Variants in KTN1 observed in about 807,000 individuals in gnomAD.
KTN1 encodes kinectin.
Under a neutral mutation model 222.5 loss-of-function variants are expected in KTN1, and 130 were observed. That is an observed-to-expected ratio of 0.58 (90% CI 0.51 to 0.68). KTN1 has a LOEUF of 0.68. KTN1 is among the 30% of genes least tolerant of loss of function. KTN1 has a pLI of 0.00. For missense variants in KTN1, 1,508 were observed against 1,500.4 expected (o/e 1.01, Z -0.08); for synonymous variants, 512 against 496.3 (o/e 1.03, Z -0.42).
chr14:55,612,288 A>G lies in KTN1; in HGVS notation c.240A>G (p.Val80=). ...TCCATGAATCCGACTCTGAGAGTGT[A>G]CCTCGAGACTTTAAATTATCAGATG... ...GNLHESDSES[V]PRDFKLSDAL... The change falls in exon 2 of 44, where the codon GTA becomes GTG. Residue 80 remains valine (V), a synonymous_variant. Coordinates refer to ENST00000395314, the MANE Select transcript of KTN1 (RefSeq NM_001079521.2). The G allele has an allele frequency of 6.2e-7, 1 of 1,612,232 alleles. No individual in the cohort carries two copies. Among genetic ancestry groups the G allele is most frequent in the Non-Finnish European group, 8.5e-7 (1 of 1,179,636 alleles).
chr14:55,587,583 C>T (rs13379151), intron 1 of KTN1, among the ~76,000 whole-genome samples: 12,839 of 152,230 alleles, frequency 0.084, 589 homozygotes, highest in South Asian at 0.12. Flanking sequence ...AGGTTGAATT[C>T]ACTTACGTGC....
chr14:55,651,522 C>A (rs2042932328), intron 24 of KTN1: 1 of 375,534 alleles, frequency 2.7e-6, no homozygotes, highest in Non-Finnish European at 5.1e-6. Flanking sequence ...ATTTTCAGTA[C>A]TGTAGAAGTA....
At chr14:55,669,596 A>G (rs140117885) in intron 34 of KTN1, among the ~76,000 whole-genome samples, 95 of 152,136 alleles carry the variant, frequency 6.2e-4, no homozygotes, top group African/African-American at 2.1e-3. Flanking sequence ...GGAGAGATCT[A>G]AATTATATGA....
rs188892087 is a variant in KTN1 at position 55,588,908 on chromosome 14, G to A, written c.-31+8554G>A. Among the ~76,000 whole-genome samples, 80 of 151,500 alleles carry A rather than the reference G, an allele frequency of 5.3e-4. 4 individuals carry two copies. In the East Asian group the frequency reaches 0.015, roughly 29 times the overall value. The stretch of plus-strand genomic sequence containing the variant: ...TCTTAATTTTTTTCAATATTTCTAG[G>A]CTGTGGTTTCCCTGTGAGTTTTTTT... On this transcript the variant is annotated intron_variant, in intron 1 of 43. Transcript: ENST00000395314.
intron 24 of KTN1, 118 bp downstream of exon 24, chr14:55,650,755 G>A (rs1267835965): frequency 1.6e-6 from 1 of 625,222 alleles, no homozygotes; most frequent in Admixed American, 3.3e-5. Flanking sequence ...ATTGGGTTAT[G>A]TGCTTTTAAT....
intron 19 of KTN1, 35 bp from the exon 20 acceptor site, chr14:55,647,990 T>C: frequency 1.3e-6 from 1 of 787,554 alleles, no homozygotes; most frequent in African/African-American, 1.8e-5. Context: ...CTTTGAAAAA[T>C]AGTTAATACA....
intron 34 of KTN1, chr14:55,667,581 G>T (rs2044947923): frequency 4.1e-6 from 1 of 242,570 alleles, no homozygotes; most frequent in Non-Finnish European, 7.8e-6. Flanking sequence ...ATTTGGGAAA[G>T]AAATGTTTTT....
chr14:55,622,389 G>A (rs2039275180), intron 5 of KTN1, among the ~76,000 whole-genome samples: 1 of 151,988 alleles, frequency 6.6e-6, no homozygotes, highest in South Asian at 2.1e-4. Flanking sequence ...CACTGCTATG[G>A]CTGATGTTTT....
At chr14:55,641,837 A>G in intron 18 of KTN1, 77 bp downstream of exon 18, 2 of 921,912 alleles carry the variant, frequency 2.2e-6, no homozygotes, top group Non-Finnish European at 3.5e-6. Context: ...TAGGTACCAA[A>G]TTACTAATTG....
intron 18 of KTN1, among the ~76,000 whole-genome samples, chr14:55,643,663 T>C (rs1338120755): frequency 6.6e-6 from 1 of 152,222 alleles, no homozygotes; most frequent in African/African-American, 2.4e-5. Flanking sequence ...AGAAAACTTC[T>C]GTTCTTTGCT....
intron 5 of KTN1, among the ~76,000 whole-genome samples, chr14:55,625,667 T>C (rs75663029): frequency 0.076 from 11,645 of 152,310 alleles, 499 homozygotes; most frequent in South Asian, 0.12. Flanking sequence ...CCTGGGATTT[T>C]GTCAAAAAAT....
intron 5 of KTN1, among the ~76,000 whole-genome samples, chr14:55,620,375 G>C (rs1283826473): frequency 1.3e-5 from 2 of 152,128 alleles, no homozygotes; most frequent in African/African-American, 2.4e-5. Flanking sequence ...AGCTCCACTG[G>C]GCAGTGCTTC....
Position 55,619,267 on chromosome 14 carries a change from C to A in KTN1, c.918C>A (p.Asp306Glu), listed in dbSNP as rs768345032. 1 of 1,613,426 alleles carries A rather than the reference C, an allele frequency of 6.2e-7. No individual in the cohort carries two copies. The highest frequency in any genetic ancestry group is 8.5e-7 in the Non-Finnish European group (1 of 1,179,568). The change falls in exon 5 of 44, where the codon GAC becomes GAA. Residue 306 changes from aspartate (D) to glutamate (E), a missense_variant. Coordinates refer to ENST00000395314, the MANE Select transcript of KTN1 (RefSeq NM_001079521.2). ...FSEDEALCVV[D>E]LLKEKSGVIQ... ...AAGATGAGGCTCTTTGTGTTGTAGA[C>A]TTGCTAAAGGAGAAGTCTGGTGTAA...
At chr14:55,649,457 T>TCTTA (rs1419420819) in intron 21 of KTN1, among the ~76,000 whole-genome samples, 2 of 152,188 alleles carry the variant, frequency 1.3e-5, no homozygotes, top group Non-Finnish European at 2.9e-5. Context: ...AAAGTAAGAC[T>TCTTA]CTAGTAAAAG....
rs757584030 is a variant in KTN1 at position 55,671,559 on chromosome 14, T to C, written c.3349-7T>C. On this transcript the variant is annotated splice_polypyrimidine_tract_variant and splice_region_variant and intron_variant, in intron 35 of 43. Transcript: ENST00000395314. ...TATGGAGTTTTTCTTTATTTCGTTC[T>C]TTGCAGGTTCTAGAGCACAAGTTGA... 1 of 1,599,580 alleles carries C rather than the reference T, an allele frequency of 6.3e-7. No homozygotes were observed.
chr14:55,605,501 T>A (rs2036596431), intron 1 of KTN1, among the ~76,000 whole-genome samples: 1 of 152,208 alleles, frequency 6.6e-6, no homozygotes, highest in Non-Finnish European at 1.5e-5. Flanking sequence ...CATTTGTTTC[T>A]GCCACGGGTA....
intron 31 of KTN1, among the ~76,000 whole-genome samples, chr14:55,660,277 C>T (rs2043978704): frequency 6.6e-6 from 1 of 151,360 alleles, no homozygotes; most frequent in Admixed American, 6.6e-5. Flanking sequence ...ACTCGGGAGG[C>T]TGAAGTGGGA....
intron 1 of KTN1, 129 bp downstream of exon 1, chr14:55,580,483 C>G (rs1249601293): frequency 6.8e-6 from 1 of 147,466 alleles, no homozygotes; most frequent in African/African-American, 2.4e-5. Context: ...CCGCGGGGCC[C>G]GGACGCCGCC....
chr14:55,629,022 A>G (rs1248285122), intron 6 of KTN1, among the ~76,000 whole-genome samples: 2 of 152,254 alleles, frequency 1.3e-5, no homozygotes, highest in Admixed American at 1.3e-4. Flanking sequence ...TGATACCTGC[A>G]GCTAACTTTA....
Sources: allele counts gnomAD v4.1 joint callset (sites outside exome capture counted in the v4.1 genomes callset), GRCh38; gene constraint gnomAD v4.1.1; transcripts MANE v1.5; gene names NCBI Gene and HGNC (gene_info 2026-07-23, HGNC 2026-07-21).